SORCS2: variants seen among roughly 807,000 people sequenced by gnomAD.
SORCS2 encodes VPS10 domain-containing receptor SorCS2.
SORCS2 carries 100 observed loss-of-function variants against 141.6 expected under a neutral mutation model. That is an observed-to-expected ratio of 0.71 (90% CI 0.60 to 0.83). The LOEUF is 0.83. SORCS2 is among the 40% of genes least tolerant of loss of function. SORCS2 has a pLI of 0.00. For synonymous variants in SORCS2, 789 were observed against 676.9 expected, an observed-to-expected ratio of 1.17 and a Z score of -2.57; for missense variants, 1,646 against 1,560.2, an observed-to-expected ratio of 1.05 and a Z score of -0.93.
At chr4:7,604,260 C>T (rs1717916176) in intron 3 of SORCS2, among the ~76,000 whole-genome samples, 1 of 152,178 alleles carries the variant, frequency 6.6e-6, no homozygotes, top group African/African-American at 2.4e-5. Flanking sequence ...GGGGTGGTTT[C>T]CCCCATGCTG....
At chr4:7,701,371 T>C (rs1243869453) in intron 12 of SORCS2, among the ~76,000 whole-genome samples, 1 of 152,164 alleles carries the variant, frequency 6.6e-6, no homozygotes, top group African/African-American at 2.4e-5. Flanking sequence ...AAGGTAAAAG[T>C]GCTTCCTGGA....
chr4:7,674,992 G>C (rs1314389300), intron 8 of SORCS2, among the ~76,000 whole-genome samples: 3 of 152,142 alleles, frequency 2.0e-5, no homozygotes, highest in Non-Finnish European at 2.9e-5. Context: ...GTTCTCAGAG[G>C]GTGATGAAGC....
At chr4:7,546,254 C>A (rs1351661327) in intron 3 of SORCS2, among the ~76,000 whole-genome samples, 20 of 152,122 alleles carry the variant, frequency 1.3e-4, no homozygotes, top group Admixed American at 9.8e-4. Context: ...AGGGACCAAG[C>A]CTGGGTCACC....
chr4:7,714,578 G>A (rs947894297), intron 16 of SORCS2, among the ~76,000 whole-genome samples: 1 of 152,216 alleles, frequency 6.6e-6, no homozygotes, highest in African/African-American at 2.4e-5. Flanking sequence ...GGAGCTTTAA[G>A]GAATTTGTGG....
intron 3 of SORCS2, among the ~76,000 whole-genome samples, chr4:7,588,572 C>G (rs1052735673): frequency 3.9e-5 from 6 of 152,178 alleles, no homozygotes; most frequent in East Asian, 1.9e-4. Flanking sequence ...GAAGAGCCCC[C>G]CTCTGACCTT....
chr4:7,526,459 A>G (rs1733699228), intron 2 of SORCS2, among the ~76,000 whole-genome samples: 1 of 143,500 alleles, frequency 7.0e-6, no homozygotes, highest in Non-Finnish European at 1.6e-5. Context: ...CCTTGTGGAA[A>G]AGGCGTAACT....
intron 3 of SORCS2, among the ~76,000 whole-genome samples, chr4:7,542,750 C>T (rs1274610484): frequency 1.3e-5 from 2 of 152,212 alleles, no homozygotes; most frequent in African/African-American, 4.8e-5. Flanking sequence ...GAGCAATGAT[C>T]AGCGATGTGG....
chr4:7,624,866 G>T (rs930733323), intron 3 of SORCS2, among the ~76,000 whole-genome samples: 1 of 152,216 alleles, frequency 6.6e-6, no homozygotes, highest in Non-Finnish European at 1.5e-5. Flanking sequence ...TAGAGCCTCA[G>T]CGCAAAACCC....
chr4:7,296,457 C>A (rs766640376), intron 1 of SORCS2, among the ~76,000 whole-genome samples: 26 of 152,186 alleles, frequency 1.7e-4, no homozygotes, highest in Non-Finnish European at 4.4e-5. Flanking sequence ...AAATCACGGG[C>A]AGGGTGGCAG....
intron 2 of SORCS2, among the ~76,000 whole-genome samples, chr4:7,417,718 C>T (rs1248599245): frequency 6.6e-6 from 1 of 152,226 alleles, no homozygotes; most frequent in African/African-American, 2.4e-5. Context: ...CCCAGGCGTG[C>T]ACTCCTCTGG....
intron 1 of SORCS2, among the ~76,000 whole-genome samples, chr4:7,335,761 G>C (rs1354460075): frequency 6.6e-6 from 1 of 152,216 alleles, no homozygotes; most frequent in Non-Finnish European, 1.5e-5. Context: ...AGACTTGCTC[G>C]GGCTCCCGGC....
chr4:7,599,131 G>T (rs976675344), intron 3 of SORCS2, among the ~76,000 whole-genome samples: 3 of 152,002 alleles, frequency 2.0e-5, no homozygotes, highest in South Asian at 2.1e-4. Flanking sequence ...CCTTCCTTCC[G>T]CAGGCTTCTC....
intron 4 of SORCS2, among the ~76,000 whole-genome samples, chr4:7,645,874 A>C (rs1186880455): frequency 6.6e-6 from 1 of 152,208 alleles, no homozygotes; most frequent in Non-Finnish European, 1.5e-5. Flanking sequence ...GGTGTATGGT[A>C]CACCATCTCT....
At chr4:7,572,256 A>T (rs1234006029) in intron 3 of SORCS2, among the ~76,000 whole-genome samples, 2 of 152,186 alleles carry the variant, frequency 1.3e-5, no homozygotes, top group African/African-American at 4.8e-5. Flanking sequence ...ATTACTAAAA[A>T]ATATGGGATA....
chr4:7,335,499 G>A (rs1560201041), intron 1 of SORCS2, among the ~76,000 whole-genome samples: 1 of 152,166 alleles, frequency 6.6e-6, no homozygotes, highest in South Asian at 2.1e-4. Context: ...CTCTCTGGGC[G>A]GGCCTCACCC....
intron 1 of SORCS2, among the ~76,000 whole-genome samples, chr4:7,319,606 C>G (rs1373131138): frequency 6.6e-6 from 1 of 152,036 alleles, no homozygotes; most frequent in Non-Finnish European, 1.5e-5. Context: ...CCTAGCTACT[C>G]TGGAGGCTGA....
chr4:7,327,202 A>T (rs891853686), intron 1 of SORCS2, among the ~76,000 whole-genome samples: 1 of 152,106 alleles, frequency 6.6e-6, no homozygotes, highest in African/African-American at 2.4e-5. Context: ...CCTGTTCTGG[A>T]GGCAGAGGTC....
intron 1 of SORCS2, among the ~76,000 whole-genome samples, chr4:7,392,630 C>T (rs377531742): frequency 1.3e-5 from 2 of 151,538 alleles, no homozygotes; most frequent in African/African-American, 2.4e-5. Context: ...CCTGGGGTCC[C>T]GGGTTGACCT....
intron 1 of SORCS2, among the ~76,000 whole-genome samples, chr4:7,281,175 T>G (rs1715850852): frequency 6.6e-6 from 1 of 152,034 alleles, no homozygotes; most frequent in African/African-American, 2.4e-5. Context: ...CACAAAAGTT[T>G]TTTCTTGTCA....
Sources: gnomAD v4.1 joint callset for allele counts (sites outside exome capture counted in the v4.1 genomes callset) on GRCh38, gnomAD v4.1.1 for gene constraint, MANE v1.5 for transcripts, NCBI Gene and HGNC (gene_info 2026-07-23, HGNC 2026-07-21) for gene names.